The following SZT2 variants were observed in gnomAD, a reference collection of about 807,000 sequenced individuals.
SZT2 encodes the protein SZT2 subunit of KICSTOR complex.
SZT2 carries 216 observed loss-of-function variants against 404.2 expected under a neutral mutation model. That is an observed-to-expected ratio of 0.53 (90% CI 0.48 to 0.60). The LOEUF is 0.60. SZT2 is among the 20% of genes least tolerant of loss of function. SZT2 has a pLI of 0.00. For synonymous variants in SZT2, 1,693 were observed against 1,749.9 expected (o/e 0.97, Z 0.81); for missense variants, 3,857 against 4,459.2 (o/e 0.86, Z 3.85).
intron 70 of SZT2, chr1:43,449,093 C>T (rs143784677): frequency 9.0e-5 from 20 of 221,814 alleles, no homozygotes; most frequent in African/African-American, 4.1e-4. Context: ...GACCAGCAGC[C>T]GCAGCACCTG....
At chr1:43,397,415 G>T (rs1369075576) in intron 1 of SZT2, among the ~76,000 whole-genome samples, 1 of 148,046 alleles carries the variant, frequency 6.8e-6, no homozygotes, top group Non-Finnish European at 1.5e-5. Context: ...GACAGAGCGA[G>T]ACTCCATTTC....
In SZT2 at chr1:43,439,585, T is replaced by C. The variant is rs1395026970; in HGVS notation, c.6878-20T>C. 6.2e-7 allele frequency: 1 copy of C among 1,613,712 alleles called. No individual in the cohort carries two copies. The highest frequency in any genetic ancestry group is 8.5e-7 in the Non-Finnish European group (1 of 1,179,792). ...GTCTGCAAGTCCCAGAGCTGAGCCT[T>C]CCTATGGATTTCTACCCAGGGGTTG... On this transcript the variant is annotated intron_variant, in intron 49 of 71. Transcript: ENST00000634258. The surrounding 1 kb of genome is among the most constrained non-coding windows in gnomAD (Gnocchi z 4.2).
chr1:43,452,134 C>A lies in SZT2; in HGVS notation c.*1654C>A. 1 of 1,495,280 alleles carries A rather than the reference C, an allele frequency of 6.7e-7. No individual in the cohort carries two copies. The highest frequency in any genetic ancestry group is 2.3e-5 in the East Asian group (1 of 43,334). 92.6% of individuals were successfully genotyped at this position (1,495,280 alleles called of 1,614,324 possible). ...TAGGCTGGCAGCCTCACGTGCTGTC[C>A]CCACTGTGCACCCCCTTCTCCGCAC... On this transcript the variant is annotated 3_prime_UTR_variant, in exon 72 of 72. Transcript: ENST00000634258.
intron 7 of SZT2, 81 bp downstream of exon 7, chr1:43,416,722 A>G (rs1166688010): frequency 7.2e-6 from 8 of 1,107,726 alleles, no homozygotes; most frequent in Non-Finnish European, 1.1e-5. Flanking sequence ...TCTTACAGGC[A>G]GTGATTTCCC....
Position 43,431,169 on chromosome 1 carries a change from G to T in SZT2, c.4916+79G>T, listed in dbSNP as rs139394067. On this transcript the variant is annotated intron_variant, in intron 33 of 71. Transcript: ENST00000634258. ...ACTAAGCGAATCTAGAGCACTTGGGGACTAAGGAGACCTTGAGGAGTCCAA... is the reference window on the plus strand; with the variant it reads ...ACTAAGCGAATCTAGAGCACTTGGGTACTAAGGAGACCTTGAGGAGTCCAA... 5.0e-4 allele frequency: 784 copies of T among 1,575,740 alleles called. 11 individuals are homozygous for T. In the African/African-American group the frequency reaches 9.8e-3, roughly 20 times the overall value.
chr1:43,428,300 T>C lies in SZT2; in HGVS notation c.3980T>C (p.Val1327Ala). The change falls in exon 28 of 72, where the codon GTA becomes GCA. Residue 1327 changes from valine (V) to alanine (A), a missense_variant. Physicochemically the swap from Val to Ala is moderately conservative, Grantham distance 64 (BLOSUM62 0). This residue lies in a region of SZT2 where 1,725 missense variants were observed against 1,881.0 expected (regional missense o/e 0.92). Transcript: ENST00000634258. ...ACCTCCCAGGATTTGCTGACAGCGG[T>C]AGATGCCTGTGAGGAGCTACTACAA... Reference protein sequence around the residue: ...SVTSQDLLTAVDACEELLQEI... With the variant: ...SVTSQDLLTAADACEELLQEI... 6.2e-7 allele frequency: 1 copy of C among 1,614,118 alleles called. No homozygotes were observed. The highest frequency in any genetic ancestry group is 8.5e-7 in the Non-Finnish European group (1 of 1,180,004).
Position 43,433,072 on chromosome 1 carries a change from C to T in SZT2, c.5686C>T (p.Pro1896Ser), listed in dbSNP as rs758455492. Reference protein sequence around the residue: ...GEKAPFTLRTPPGPAPPQPSL... With the variant: ...GEKAPFTLRTSPGPAPPQPSL... ...GAAGGCCCCCTTCACATTGCGGACT[C>T]CACCTGGGCCAGCACCTCCACAGCC... Residue 1896 changes from proline (P) to serine (S), a missense_variant, in exon 40 of 72, where the codon CCA becomes TCA. Pro to Ser is a moderately conservative substitution (Grantham distance 74). Transcript: ENST00000634258. 3 of 1,614,166 alleles carry T rather than the reference C, an allele frequency of 1.9e-6. No individual in the cohort carries two copies. Among genetic ancestry groups the T allele is most frequent in the South Asian group, 1.1e-5 (1 of 91,078 alleles).
Position 43,434,493 on chromosome 1 carries a change from G to T in SZT2, c.5904+8G>T. ...TGCAGGGAGGTCAACCAGGTAAGGG[G>T]CAGGACTCTCCAGACCCGGACACAC... On this transcript the variant is annotated splice_region_variant and intron_variant, in intron 41 of 71. Coordinates refer to ENST00000634258, the MANE Select transcript of SZT2 (RefSeq NM_001365999.1). 6.3e-7 allele frequency: 1 copy of T among 1,586,176 alleles called. No individual in the cohort carries two copies. The highest frequency in any genetic ancestry group is 8.6e-7 in the Non-Finnish European group (1 of 1,167,000).
intron 1 of SZT2, among the ~76,000 whole-genome samples, chr1:43,395,523 C>T (rs973123695): frequency 5.9e-5 from 9 of 152,206 alleles, no homozygotes; most frequent in Admixed American, 1.3e-4. Flanking sequence ...TAGTCTCAAA[C>T]TCCTGAGGCT....
At position 43,433,044 on chromosome 1, in the gene SZT2, T is replaced by G. The variant is rs1432127134; in HGVS notation, c.5658T>G (p.Gly1886=). ...SDSEGPNDTL[G]EKAPFTLRTP... ...GTGAGGGTCCCAATGACACCCTTGGTGAGAAGGCCCCCTTCACATTGCGGA... is the reference window on the plus strand; with the variant it reads ...GTGAGGGTCCCAATGACACCCTTGGGGAGAAGGCCCCCTTCACATTGCGGA... Residue 1886 remains glycine (G), a synonymous_variant, in exon 40 of 72, where the codon GGT becomes GGG. Coordinates refer to ENST00000634258, the MANE Select transcript of SZT2 (RefSeq NM_001365999.1). 1 of 1,614,104 alleles carries G rather than the reference T, an allele frequency of 6.2e-7. No homozygotes were observed. Among genetic ancestry groups the G allele is most frequent in the African/African-American group, 1.3e-5 (1 of 75,016 alleles).
Position 43,397,357 on chromosome 1 carries a change from C to T in SZT2, c.28-5820C>T, listed in dbSNP as rs7522203. On this transcript the variant is annotated intron_variant, in intron 1 of 71. Coordinates refer to ENST00000634258, the MANE Select transcript of SZT2 (RefSeq NM_001365999.1). ...CAAGAGAATCACTTGAACCAAGAGGCGGAGGTTGCAGTGAGCCAAGATGGC... is the reference window on the plus strand; with the variant it reads ...CAAGAGAATCACTTGAACCAAGAGGTGGAGGTTGCAGTGAGCCAAGATGGC... Among the ~76,000 whole-genome samples, 139 of 149,984 alleles carry T rather than the reference C, an allele frequency of 9.3e-4. 1 individual carries two copies. The highest frequency in any genetic ancestry group is 3.4e-3 in the Middle Eastern group (1 of 292).
Position 43,452,842 on chromosome 1 carries a change from C to A in SZT2, c.*2362C>A. Reference sequence around the variant, plus strand: ...CCACCTCCTCCCATCATCCCCTGATCTTAGCCACATCCAGCTCCAAGCAGA... The same window carrying A: ...CCACCTCCTCCCATCATCCCCTGATATTAGCCACATCCAGCTCCAAGCAGA... On this transcript the variant is annotated 3_prime_UTR_variant, in exon 72 of 72. Transcript: ENST00000634258. 3 of 1,531,172 alleles carry A rather than the reference C, an allele frequency of 2.0e-6. No homozygotes were observed. The highest frequency in any genetic ancestry group is 2.4e-5 in the East Asian group (1 of 41,086). The allele number at this position is 1,531,172 out of a possible 1,614,324, so 94.8% of individuals were successfully genotyped here.
chr1:43,431,012 G>A lies in SZT2; in HGVS notation c.4838G>A (p.Ser1613Asn). ...GGCCGAGTTCCCTTGAGGGACCTCA[G>A]TGTGACTCTGGATGTCTTCATGCTG... Reference protein sequence around the residue: ...VGGRVPLRDLSVTLDVFMLTL... With the variant: ...VGGRVPLRDLNVTLDVFMLTL... Residue 1613 changes from serine (S) to asparagine (N), a missense_variant, in exon 33 of 72, where the codon AGT becomes AAT. By Grantham distance (46) the Ser-to-Asn change is conservative. Transcript: ENST00000634258. 5 of 1,614,222 alleles carry A rather than the reference G, an allele frequency of 3.1e-6. No individual in the cohort carries two copies. Among genetic ancestry groups the A allele is most frequent in the Non-Finnish European group, 4.2e-6 (5 of 1,180,044 alleles).
At position 43,422,870 on chromosome 1, in the gene SZT2, C is replaced by T. The variant is rs746291888; in HGVS notation, c.2024C>T (p.Pro675Leu). The change falls in exon 14 of 72, where the codon CCG becomes CTG. Residue 675 changes from proline to leucine, a missense_variant. Pro to Leu is a moderately conservative substitution (Grantham distance 98, BLOSUM62 -3). Around this residue, in one of 7 missense-constraint regions of SZT2, gnomAD observed 1,725 missense variants for 1,881.0 expected, o/e 0.92. Coordinates refer to ENST00000634258, the MANE Select transcript of SZT2 (RefSeq NM_001365999.1). ...RLGFPIGTPA[P>L]ARHKIVSGLR... Reference sequence around the variant, plus strand: ...GGTTTTCCCATTGGCACACCAGCACCGGCCCGGCACAAGGTAAGCTGGGCC... The same window carrying T: ...GGTTTTCCCATTGGCACACCAGCACTGGCCCGGCACAAGGTAAGCTGGGCC... 23 of 1,585,862 alleles carry T rather than the reference C, an allele frequency of 1.5e-5. No homozygotes were observed. The East Asian group carries it at 2.9e-4, about 20-fold the overall frequency.
At chr1:43,403,563 C>G in intron 2 of SZT2, 38 bp from the exon 3 acceptor site, 2 of 1,599,308 alleles carry the variant, frequency 1.3e-6, no homozygotes, top group Non-Finnish European at 1.7e-6. Context: ...AGGGATACTT[C>G]GCTGATCCTT....
intron 1 of SZT2, among the ~76,000 whole-genome samples, chr1:43,391,534 G>A (rs185101100): frequency 6.6e-6 from 1 of 152,318 alleles, no homozygotes; most frequent in Admixed American, 6.5e-5. Context: ...ATTTAAAATA[G>A]TCATGTTCAC....
At chr1:43,427,016 T>C in intron 23 of SZT2, 40 bp from the exon 24 acceptor site, 1 of 1,610,752 alleles carries the variant, frequency 6.2e-7, no homozygotes, top group Non-Finnish European at 8.5e-7. Flanking sequence ...GGTTGGACAT[T>C]CCCTTATAGA....
rs762686686 is a variant in SZT2 at position 43,422,833 on chromosome 1, G to C, written c.1987G>C (p.Val663Leu). ...VRIISKAPCM[V>L]LRLGFPIGTP... The stretch of plus-strand genomic sequence containing the variant: ...TATCATTTCCAAGGCCCCATGCATG[G>C]TTCTTCGCCTGGGTTTTCCCATTGG... The change falls in exon 14 of 72, where the codon GTT becomes CTT. Residue 663 changes from valine (V) to leucine (L), a missense_variant. Val to Leu is a conservative substitution (Grantham distance 32, BLOSUM62 1). Coordinates refer to ENST00000634258, the MANE Select transcript of SZT2 (RefSeq NM_001365999.1). 6.3e-7 allele frequency: 1 copy of C among 1,594,010 alleles called. No homozygotes were observed. Among genetic ancestry groups the C allele is most frequent in the Admixed American group, 1.7e-5 (1 of 59,548 alleles).
chr1:43,407,148 T>G (rs1417963161), intron 4 of SZT2, among the ~76,000 whole-genome samples: 1 of 152,106 alleles, frequency 6.6e-6, no homozygotes, highest in Non-Finnish European at 1.5e-5. Flanking sequence ...ATTTCATCAG[T>G]TAAGCCCCAG....
Sources: allele counts gnomAD v4.1 joint callset (sites outside exome capture counted in the v4.1 genomes callset), GRCh38; gene constraint gnomAD v4.1.1; regional missense constraint gnomAD v4.1.1; non-coding constraint Gnocchi (gnomAD v3.1); transcripts MANE v1.5; gene names NCBI Gene and HGNC (gene_info 2026-07-23, HGNC 2026-07-21).